Variants in SLC37A1 observed in about 807,000 individuals in gnomAD.
The protein encoded by SLC37A1 is solute carrier family 37 member 1, also known as glucose-6-phosphate exchanger SLC37A1.
Under a neutral mutation model 75.3 loss-of-function variants are expected in SLC37A1, and 49 were observed. The observed-to-expected ratio is 0.65, with a 90% CI of 0.52 to 0.83. SLC37A1 has a LOEUF of 0.83. Among genes scored for constraint, SLC37A1 ranks in the 40% least tolerant of loss-of-function variants. The pLI is 0.00. For synonymous variants in SLC37A1, 268 were observed against 292.1 expected, an observed-to-expected ratio of 0.92 and a Z score of 0.84; for missense variants, 566 against 695.0, an observed-to-expected ratio of 0.81 and a Z score of 2.09.
intron 17 of SLC37A1, among the ~76,000 whole-genome samples, chr21:42,571,558 C>G (rs1465317241): frequency 1.3e-5 from 2 of 152,126 alleles, no homozygotes; most frequent in Non-Finnish European, 1.5e-5. Flanking sequence ...TAGAGGCAGC[C>G]AATTTCAGCT....
At chr21:42,564,415 A>G (rs2055918846) in intron 13 of SLC37A1, among the ~76,000 whole-genome samples, 1 of 152,076 alleles carries the variant, frequency 6.6e-6, no homozygotes, top group African/African-American at 2.4e-5. Flanking sequence ...AAGCAGCAGC[A>G]TGTCTCCTGG....
chr21:42,566,329 C>T (rs2055976887), intron 15 of SLC37A1, among the ~76,000 whole-genome samples: 1 of 152,232 alleles, frequency 6.6e-6, no homozygotes, highest in African/African-American at 2.4e-5. Context: ...CAGGGTCCGG[C>T]CAGGAGCCAG....
rs1203685045 is a variant in SLC37A1 at position 42,514,537 on chromosome 21, T to G, written c.-359T>G. 1.3e-5 allele frequency: 2 copies of G among 152,356 alleles called. No individual in the cohort carries two copies. Among genetic ancestry groups the G allele is most frequent in the East Asian group, 3.9e-4 (2 of 5,168 alleles). 9.4% of individuals were successfully genotyped at this position (152,356 alleles called of 1,614,324 possible). On this transcript the variant is annotated 5_prime_UTR_variant, in exon 1 of 20. Coordinates refer to ENST00000352133, the MANE Select transcript of SLC37A1 (RefSeq NM_001320537.2). The surrounding 1 kb of genome is among the most constrained non-coding windows in gnomAD (Gnocchi z 4.8). ...GCTCGGAGCGCCGGCACCCTGGGCC[T>G]TTGCGTTGTTTGTCGGCTGAGCAGC...
At chr21:42,577,908 G>A (rs1375290505) in intron 18 of SLC37A1, among the ~76,000 whole-genome samples, 2 of 152,218 alleles carry the variant, frequency 1.3e-5, no homozygotes, top group Admixed American at 6.5e-5. Context: ...TTGCTGCGTT[G>A]GAAGAAAGAG....
intron 3 of SLC37A1, among the ~76,000 whole-genome samples, chr21:42,529,751 A>T (rs185258518): frequency 6.6e-6 from 1 of 152,348 alleles, no homozygotes; most frequent in Admixed American, 6.5e-5. Context: ...ATGGTGTTCG[A>T]GTCTGCCGGT....
At chr21:42,555,136 C>T (rs562053729) in intron 10 of SLC37A1, among the ~76,000 whole-genome samples, 3 of 151,994 alleles carry the variant, frequency 2.0e-5, no homozygotes, top group Non-Finnish European at 4.4e-5. Flanking sequence ...CAGGCACCCA[C>T]CACCACACCT....
At chr21:42,546,785 G>A (rs1207074882) in intron 8 of SLC37A1, among the ~76,000 whole-genome samples, 1 of 152,214 alleles carries the variant, frequency 6.6e-6, no homozygotes, top group Non-Finnish European at 1.5e-5. Context: ...TTTAGTAAAG[G>A]TATAAGATGG....
At chr21:42,528,748 G>A (rs775051391) in intron 3 of SLC37A1, among the ~76,000 whole-genome samples, 17 of 152,210 alleles carry the variant, frequency 1.1e-4, no homozygotes, top group Non-Finnish European at 2.1e-4. Flanking sequence ...AGAATAGCTT[G>A]AATCCGGGAG....
At chr21:42,565,259 T>G (rs1449390179) in intron 14 of SLC37A1, among the ~76,000 whole-genome samples, 2 of 152,266 alleles carry the variant, frequency 1.3e-5, no homozygotes, top group East Asian at 3.8e-4. Context: ...TGCAGTGGGT[T>G]AGAAACAATG....
At chr21:42,516,930 C>T (rs1297456377) in intron 1 of SLC37A1, among the ~76,000 whole-genome samples, 1 of 152,198 alleles carries the variant, frequency 6.6e-6, no homozygotes, top group African/African-American at 2.4e-5. Context: ...CATTCTGGAG[C>T]CCACCCATTT....
At chr21:42,500,398 T>C (rs557163725) in intron 1 of SLC37A1, among the ~76,000 whole-genome samples, 12 of 152,366 alleles carry the variant, frequency 7.9e-5, no homozygotes, top group African/African-American at 2.6e-4. Context: ...TAGCTCCGTA[T>C]ACTTCTTTCT....
chr21:42,512,793 C>T (rs137915188), upstream of SLC37A1, among the ~76,000 whole-genome samples: 1 of 152,334 alleles, frequency 6.6e-6, no homozygotes, highest in African/African-American at 2.4e-5. Context: ...ATGGATTTCA[C>T]GCAGCCCAGC....
At position 42,567,042 on chromosome 21, in the gene SLC37A1, C is replaced by T. The variant is rs749603458; in HGVS notation, c.1328C>T (p.Ala443Val). The T allele has an allele frequency of 5.0e-6, 8 of 1,609,232 alleles. No individual in the cohort carries two copies. In the East Asian group the frequency reaches 1.8e-4, roughly 36 times the overall value. ...VSGPYTLITT[A>V]VSADLGTHKS... ...GGGCCCTACACACTCATCACCACCG[C>T]CGTCTCCGCCGACCTGGTGAGTAGA... The change falls in exon 16 of 20, where the codon GCC becomes GTC. Residue 443 changes from alanine to valine, a missense_variant. Ala to Val is a moderately conservative substitution (Grantham distance 64). Transcript: ENST00000352133.
At chr21:42,506,368 G>T (rs975963640) in intron 2 of SLC37A1, among the ~76,000 whole-genome samples, 1 of 152,150 alleles carries the variant, frequency 6.6e-6, no homozygotes. Flanking sequence ...GGGACTTTGT[G>T]GTTCTCTCCT....
Position 42,554,458 on chromosome 21 carries a change from C to T in SLC37A1, c.849+316C>T, listed in dbSNP as rs1426767609. 3.3e-5 allele frequency among the ~76,000 whole-genome samples: 5 copies of T among 152,136 alleles called. No individual in the cohort carries two copies. In the South Asian group the frequency reaches 8.3e-4, roughly 25 times the overall value. On this transcript the variant is annotated intron_variant, in intron 10 of 19. Transcript: ENST00000352133. The stretch of plus-strand genomic sequence containing the variant: ...GAGACATCCCCCAAGCGGTGCCAAG[C>T]GGCAGGAAGACAGGCTGAGCAGGCT...
At chr21:42,575,497 C>G in intron 18 of SLC37A1, 19 of 985,442 alleles carry the variant, frequency 1.9e-5, no homozygotes, top group Non-Finnish European at 2.3e-5. Flanking sequence ...TGGGCTCCTG[C>G]TTCTGTGCCC....
intron 2 of SLC37A1, among the ~76,000 whole-genome samples, chr21:42,504,538 A>T (rs2054367190): frequency 6.6e-6 from 1 of 152,222 alleles, no homozygotes; most frequent in Non-Finnish European, 1.5e-5. Context: ...ACAATGTAGT[A>T]GAAAAAGTAA....
chr21:42,565,672 G>A (rs884981), intron 14 of SLC37A1, among the ~76,000 whole-genome samples, 155 bp from the exon 15 acceptor site: 2,412 of 152,324 alleles, frequency 0.016, 59 homozygotes, highest in African/African-American at 0.055. Flanking sequence ...TACCTGAGAC[G>A]GGAGGGGGCG....
chr21:42,536,336 A>G (rs2055136516), intron 5 of SLC37A1, among the ~76,000 whole-genome samples: 1 of 152,216 alleles, frequency 6.6e-6, no homozygotes, highest in Admixed American at 6.5e-5. Context: ...GAAGCTCACA[A>G]CGGTGCCTGG....
Sources: allele counts gnomAD v4.1 joint callset (sites outside exome capture counted in the v4.1 genomes callset), GRCh38; gene constraint gnomAD v4.1.1; non-coding constraint Gnocchi (gnomAD v3.1); transcripts MANE v1.5; gene names NCBI Gene and HGNC (gene_info 2026-07-23, HGNC 2026-07-21).